SLC41A3: variants seen among roughly 807,000 people sequenced by gnomAD.
SLC41A3 encodes SLC41A1-like 2.
Under a neutral mutation model 45.4 loss-of-function variants are expected in SLC41A3, and 44 were observed. The observed-to-expected ratio is 0.97, with a 90% confidence interval of 0.76 to 1.25. The LOEUF (loss-of-function observed/expected upper bound fraction) is 1.25, where lower values mean the gene tolerates loss of function less well. SLC41A3 is among the 50% of genes most tolerant of loss of function. SLC41A3 has a pLI of 0.00. For missense variants in SLC41A3, 550 were observed against 600.6 expected (o/e 0.92, Z 0.88); for synonymous variants, 256 against 252.4 (o/e 1.01, Z -0.13).
chr3:126,088,527 G>T (rs1057363657), upstream of SLC41A3, among the ~76,000 whole-genome samples: 11 of 152,108 alleles, frequency 7.2e-5, no homozygotes, highest in African/African-American at 2.2e-4. Context: ...TGTTGATTTT[G>T]CCAGAAAAGG....
upstream of SLC41A3, among the ~76,000 whole-genome samples, chr3:126,087,274 A>G (rs1244393569): frequency 6.6e-6 from 1 of 152,138 alleles, no homozygotes; most frequent in Non-Finnish European, 1.5e-5. Context: ...TGAAGTAAAC[A>G]CCTGAAATTC....
At chr3:126,076,386 T>C (rs918086588) in intron 1 of SLC41A3, among the ~76,000 whole-genome samples, 3 of 152,218 alleles carry the variant, frequency 2.0e-5, no homozygotes, top group African/African-American at 7.2e-5. Context: ...GGACATATCA[T>C]ATTTTGCTTA....
chr3:126,076,813 G>A (rs754991975), intron 1 of SLC41A3, among the ~76,000 whole-genome samples: 8 of 152,096 alleles, frequency 5.3e-5, no homozygotes, highest in South Asian at 2.1e-4. Flanking sequence ...CCTACTTTGC[G>A]ATTTAGATCA....
At chr3:126,072,366 A>T (rs1944660622) in intron 1 of SLC41A3, among the ~76,000 whole-genome samples, 1 of 132,482 alleles carries the variant, frequency 7.5e-6, no homozygotes, top group South Asian at 2.5e-4. Flanking sequence ...GAATTGTAAA[A>T]AAAAATAAAA....
At chr3:126,099,628 AG>A (rs1392762919) in intron 1 of SLC41A3, among the ~76,000 whole-genome samples, 17 of 152,186 alleles carry the variant, frequency 1.1e-4, no homozygotes, top group Admixed American at 9.8e-4. Flanking sequence ...TGAACCCGAG[AG>A]GGGGAAGTTG....
Position 126,006,861 on chromosome 3 carries a change from C to A in SLC41A3, c.*155G>T. On this transcript the variant is annotated 3_prime_UTR_variant, in exon 11 of 11. Transcript: ENST00000360370. ...CAGGCTCAGGTATCAACCCCAGAGC[C>A]GAGGTGTGTGAGAGCTACCTTAGCA... The A allele has an allele frequency of 1.3e-6, 2 of 1,488,830 alleles. No individual in the cohort carries two copies. Among genetic ancestry groups the A allele is most frequent in the Non-Finnish European group, 1.8e-6 (2 of 1,126,078 alleles). The allele number at this position is 1,488,830 out of a possible 1,614,324, so 92.2% of individuals were successfully genotyped here.
At chr3:126,060,694 T>C (rs1559871590) in intron 2 of SLC41A3, among the ~76,000 whole-genome samples, 1 of 152,136 alleles carries the variant, frequency 6.6e-6, no homozygotes, top group Non-Finnish European at 1.5e-5. Context: ...CACTGGGTTA[T>C]AATCCAGAAA....
At chr3:126,095,280 A>C in intron 1 of SLC41A3, 1 of 678,040 alleles carries the variant, frequency 1.5e-6, no homozygotes, top group South Asian at 1.6e-5. Context: ...GAGGATCCCA[A>C]GGACCCCCTG....
chr3:126,051,059 G>C lies in SLC41A3; in HGVS notation c.274-9C>G, dbSNP rs1943301577. ...ACAAACACAGGCCAGTGCTGGTAGG[G>C]AAACAGTAAGGAGATAAGCCAAACA... is the stretch of plus-strand genomic sequence containing the variant. On this transcript the variant is annotated splice_polypyrimidine_tract_variant and intron_variant, in intron 2 of 10. Transcript: ENST00000360370. 1 of 1,592,554 alleles carries C rather than the reference G, an allele frequency of 6.3e-7. No homozygotes were observed. Among genetic ancestry groups the C allele is most frequent in the Non-Finnish European group, 8.6e-7 (1 of 1,168,016 alleles).
At chr3:126,030,718 G>A (rs551687521) in intron 4 of SLC41A3, among the ~76,000 whole-genome samples, 5 of 152,254 alleles carry the variant, frequency 3.3e-5, no homozygotes, top group African/African-American at 1.2e-4. Context: ...CAGGTAGGTC[G>A]GTGGGTGAGT....
At chr3:126,064,760 A>G (rs1219329524) in intron 2 of SLC41A3, among the ~76,000 whole-genome samples, 1 of 152,172 alleles carries the variant, frequency 6.6e-6, no homozygotes, top group Non-Finnish European at 1.5e-5. Flanking sequence ...TCTTCCCGGC[A>G]CATGCACACA....
rs1944438805 is a variant in SLC41A3, at chr3:126,068,028, G to A, written c.192C>T (p.Ser64=). ...AGGGCACGGTCACCTGAAGGCCTAT[G>A]GACCAGGTGGTCTCCCTGCTAGGCT... ...ETEPSRETTW[S]IGLQVTVPFM... The change falls in exon 2 of 11, where the codon TCC becomes TCT. Residue 64 remains serine, a synonymous_variant. Coordinates refer to ENST00000360370, the MANE Select transcript of SLC41A3 (RefSeq NM_017836.4). 1 of 1,613,914 alleles carries A rather than the reference G, an allele frequency of 6.2e-7. No individual in the cohort carries two copies. Among genetic ancestry groups the A allele is most frequent in the African/African-American group, 1.3e-5 (1 of 74,960 alleles).
intron 1 of SLC41A3, among the ~76,000 whole-genome samples, chr3:126,099,224 A>C (rs1945662900): frequency 6.6e-6 from 1 of 152,132 alleles, no homozygotes; most frequent in Non-Finnish European, 1.5e-5. Context: ...CTGTGAGTAA[A>C]ATCTGAATTC....
intron 2 of SLC41A3, chr3:126,057,181 C>G: frequency 1.0e-6 from 1 of 985,240 alleles, no homozygotes; most frequent in Non-Finnish European, 1.2e-6. Flanking sequence ...GAAGCCACGC[C>G]CTGGGTCATC....
chr3:126,013,209 ATTT>A (rs1334651497), intron 8 of SLC41A3, among the ~76,000 whole-genome samples: 1 of 146,682 alleles, frequency 6.8e-6, no homozygotes, highest in African/African-American at 2.5e-5. Context: ...AATGAAAGTG[ATTT>A]TTTTTTTTTC....
intron 1 of SLC41A3, among the ~76,000 whole-genome samples, chr3:126,094,489 T>G (rs1200529977): frequency 6.6e-6 from 1 of 152,162 alleles, no homozygotes; most frequent in Non-Finnish European, 1.5e-5. Context: ...AAAAATCAGG[T>G]AAATGGAGAA....
At chr3:126,083,458 C>T (rs938174837) in intron 1 of SLC41A3, among the ~76,000 whole-genome samples, 2 of 152,218 alleles carry the variant, frequency 1.3e-5, no homozygotes, top group African/African-American at 4.8e-5. Context: ...CACCGGCTCT[C>T]CTGGATGGAG....
At chr3:126,023,082 T>G (rs2270983) in intron 5 of SLC41A3, 150 bp from the exon 6 acceptor site, 301,072 of 1,061,982 alleles carry the variant, frequency 0.28, 45,522 homozygotes, top group African/African-American at 0.51. Context: ...CTCCACAAAG[T>G]CCTTGACGTG....
chr3:126,018,742 C>T (rs1198076432), intron 6 of SLC41A3, among the ~76,000 whole-genome samples: 1 of 152,166 alleles, frequency 6.6e-6, no homozygotes, highest in Non-Finnish European at 1.5e-5. Context: ...TCAGTGTGGC[C>T]GACCAGCCTC....
Sources: gnomAD v4.1 joint callset for allele counts (sites outside exome capture counted in the v4.1 genomes callset) on GRCh38, gnomAD v4.1.1 for gene constraint, MANE v1.5 for transcripts, NCBI Gene and HGNC (gene_info 2026-07-23, HGNC 2026-07-21) for gene names.